DSCAML1: variants seen among roughly 807,000 people sequenced by gnomAD.
DSCAML1 encodes the protein DS cell adhesion molecule like 1, also known as cell adhesion molecule DSCAML1.
Under a neutral mutation model 200.5 loss-of-function variants are expected in DSCAML1, and 38 were observed. That is an observed-to-expected ratio of 0.19 (90% CI 0.15 to 0.25). DSCAML1 has a LOEUF of 0.25. Ranked by LOEUF, DSCAML1 falls within the 10% of genes least tolerant of loss-of-function variation. The pLI is 1.00. For synonymous variants in DSCAML1, 1,215 were observed against 1,165.0 expected (o/e 1.04, Z -0.87); for missense variants, 2,223 against 2,858.8 (o/e 0.78, Z 5.07).
rs1197893062 is a variant in DSCAML1, at chr11:117,531,206, C to G, written c.658+1170G>C. On this transcript the variant is annotated intron_variant, in intron 4 of 32. Transcript: ENST00000651296. The stretch of plus-strand genomic sequence containing the variant: ...CATGGGTATGGGCATTCAACTGACC[C>G]CTTCTATGGGGTCCTGTAGCTGGAA... Among the ~76,000 whole-genome samples the G allele has an allele frequency of 3.3e-5, 5 of 152,230 alleles. No homozygotes were observed. The East Asian group carries it at 9.7e-4, about 29-fold the overall frequency.
intron 3 of DSCAML1, among the ~76,000 whole-genome samples, chr11:117,559,495 G>A (rs531040330): frequency 6.6e-6 from 1 of 152,284 alleles, no homozygotes; most frequent in South Asian, 2.1e-4. Flanking sequence ...ACTATGTATG[G>A]ATTTATGATT....
chr11:117,520,779 T>C (rs1032141004), intron 6 of DSCAML1, among the ~76,000 whole-genome samples: 4 of 145,236 alleles, frequency 2.8e-5, no homozygotes, highest in Admixed American at 2.1e-4. Context: ...ACCTTGGACA[T>C]TAGCATGGTG....
chr11:117,484,518 A>G (rs2048998179), intron 11 of DSCAML1, among the ~76,000 whole-genome samples: 1 of 152,278 alleles, frequency 6.6e-6, no homozygotes, highest in African/African-American at 2.4e-5. Flanking sequence ...AATAAAATGC[A>G]AAAGACAAAT....
At chr11:117,773,554 C>CACAT (rs2055076605) in intron 3 of DSCAML1, among the ~76,000 whole-genome samples, 1 of 151,794 alleles carries the variant, frequency 6.6e-6, no homozygotes. Context: ...CACACACACA[C>CACAT]ACACACACAG....
At position 117,444,024 on chromosome 11, in the gene DSCAML1, C is replaced by T. The variant is rs1265129879; in HGVS notation, c.3724G>A (p.Glu1242Lys). ...TAGAAGAGCTGCTCTGGACTCGTCTCGTACTCGCTGGGAGCCTGCGGGGCA... is the reference window on the plus strand; with the variant it reads ...TAGAAGAGCTGCTCTGGACTCGTCTTGTACTCGCTGGGAGCCTGCGGGGCA... ...GSGQPAPSEY[E>K]TSPEQLFYRI... The change falls in exon 21 of 33, where the codon GAG becomes AAG. Residue 1242 changes from glutamate to lysine, a missense_variant. By Grantham distance (56) the Glu-to-Lys change is moderately conservative. Transcript: ENST00000651296. 23 of 1,612,458 alleles carry T rather than the reference C, an allele frequency of 1.4e-5. No homozygotes were observed. The highest frequency in any genetic ancestry group is 1.7e-5 in the Non-Finnish European group (20 of 1,179,072).
intron 3 of DSCAML1, among the ~76,000 whole-genome samples, chr11:117,683,257 G>A (rs143328995): frequency 2.0e-5 from 3 of 152,328 alleles, no homozygotes; most frequent in African/African-American, 4.8e-5. Flanking sequence ...ACAACTGAGC[G>A]ATAAGGAAAA....
At chr11:117,625,333 A>C (rs1399157614) in intron 3 of DSCAML1, among the ~76,000 whole-genome samples, 1 of 151,692 alleles carries the variant, frequency 6.6e-6, no homozygotes, top group African/African-American at 2.4e-5. Context: ...TTTATTCCAC[A>C]ATGAGAGATA....
intron 3 of DSCAML1, among the ~76,000 whole-genome samples, chr11:117,768,510 G>C (rs1048444169): frequency 6.6e-6 from 1 of 152,148 alleles, no homozygotes; most frequent in African/African-American, 2.4e-5. Flanking sequence ...CACAGGTGGT[G>C]AGTAATGATG....
At chr11:117,705,039 G>T (rs747004491) in intron 3 of DSCAML1, among the ~76,000 whole-genome samples, 5 of 152,190 alleles carry the variant, frequency 3.3e-5, no homozygotes, top group East Asian at 1.9e-4. Context: ...CCCACGCCGA[G>T]GGGGGGACGT....
chr11:117,458,660 C>T, intron 19 of DSCAML1, 94 bp downstream of exon 19: 3 of 1,481,608 alleles, frequency 2.0e-6, no homozygotes, highest in Admixed American at 1.9e-5. Flanking sequence ...GGAGAAAGGA[C>T]AGTACCCTGC....
upstream of DSCAML1, among the ~76,000 whole-genome samples, chr11:117,798,713 T>C (rs554689947): frequency 3.3e-5 from 5 of 152,264 alleles, no homozygotes; most frequent in African/African-American, 1.2e-4. Flanking sequence ...AAAGTATGTA[T>C]CCTTTTGTGC....
At chr11:117,512,679 CACACACAT>C (rs1355245745) in intron 8 of DSCAML1, among the ~76,000 whole-genome samples, 187 of 72,776 alleles carry the variant, frequency 2.6e-3, no homozygotes, top group East Asian at 0.014. Flanking sequence ...CACACACACA[CACACACAT>C]GCCTGCTATG....
At chr11:117,442,222 T>A (rs961500982) in intron 21 of DSCAML1, among the ~76,000 whole-genome samples, 1 of 131,918 alleles carries the variant, frequency 7.6e-6, no homozygotes, top group African/African-American at 2.8e-5. Flanking sequence ...TTAGTGTGTC[T>A]AGTGTGTGTG....
At chr11:117,481,317 T>C (rs1200601415) in intron 12 of DSCAML1, 47 bp from the exon 13 acceptor site, 1 of 1,590,628 alleles carries the variant, frequency 6.3e-7, no homozygotes, top group Non-Finnish European at 8.6e-7. Context: ...ACAGGGAGAG[T>C]CTTTTAGAGC....
chr11:117,466,866 T>C (rs1264556352), intron 16 of DSCAML1, among the ~76,000 whole-genome samples: 3 of 152,192 alleles, frequency 2.0e-5, no homozygotes, highest in African/African-American at 7.2e-5. Flanking sequence ...GTTATATGTA[T>C]TTTGTTAAAA....
chr11:117,680,729 G>A (rs1444715559), intron 3 of DSCAML1, among the ~76,000 whole-genome samples: 9 of 152,154 alleles, frequency 5.9e-5, no homozygotes, highest in Admixed American at 5.9e-4. Context: ...AAATCCTTCC[G>A]CTTTGCCAAG....
chr11:117,516,794 G>C lies in DSCAML1; in HGVS notation c.1511-55C>G. ...AGGAGAAGGGCATGTGCTGCTGTCA[G>C]CCAGGGACAGCCAGGCACCACCCTG... On this transcript the variant is annotated intron_variant, in intron 7 of 32. Coordinates refer to ENST00000651296, the MANE Select transcript of DSCAML1 (RefSeq NM_020693.4). The surrounding 1 kb of genome is among the most constrained non-coding windows in gnomAD (Gnocchi z 5.7). 6.4e-7 allele frequency: 1 copy of C among 1,559,880 alleles called. No homozygotes were observed. The highest frequency in any genetic ancestry group is 8.7e-7 in the Non-Finnish European group (1 of 1,153,136).
chr11:117,649,041 A>ATATATGTGTGTGTG lies in DSCAML1; in HGVS notation c.512-116520_512-116519insCACACACACATATA, dbSNP rs768621807. Among the ~76,000 whole-genome samples the ATATATGTGTGTGTG allele has an allele frequency of 6.6e-3, 909 of 137,900 alleles. 35 individuals are homozygous for ATATATGTGTGTGTG. The highest frequency in any genetic ancestry group is 0.024 in the African/African-American group (822 of 34,956). 90.5% of individuals were successfully genotyped at this position (137,900 alleles called of 152,430 possible). A position where few individuals can be genotyped will look rare whatever the true frequency, so the allele number is the denominator to read the frequency against. Reference sequence around the variant, plus strand: ...TCTCGCTCTCTCTCTCTCCATATATATGTGTGTGTGTGTGTGTGTGTGTGT... The same window carrying ATATATGTGTGTGTG: ...TCTCGCTCTCTCTCTCTCCATATATATATATGTGTGTGTGTGTGTGTGTGTGTGTGTGTGTGTGT... On this transcript the variant is annotated intron_variant, in intron 3 of 32. Coordinates refer to ENST00000651296, the MANE Select transcript of DSCAML1 (RefSeq NM_020693.4).
At chr11:117,765,364 G>T (rs138937319) in intron 3 of DSCAML1, among the ~76,000 whole-genome samples, 361 of 152,332 alleles carry the variant, frequency 2.4e-3, no homozygotes, top group Middle Eastern at 0.01. Context: ...TTGGCCTTAG[G>T]GGGTAACATT....
Sources: allele counts gnomAD v4.1 joint callset (sites outside exome capture counted in the v4.1 genomes callset), GRCh38; gene constraint gnomAD v4.1.1; non-coding constraint Gnocchi (gnomAD v3.1); transcripts MANE v1.5; gene names NCBI Gene and HGNC (gene_info 2026-07-23, HGNC 2026-07-21).